The following RGS6 variants were observed in gnomAD, a reference collection of about 807,000 sequenced individuals.
RGS6 encodes the protein regulator of G protein signaling 6.
Under a neutral mutation model 78.5 loss-of-function variants are expected in RGS6, and 30 were observed. The observed-to-expected ratio is 0.38, with a 90% confidence interval of 0.29 to 0.52. The LOEUF (loss-of-function observed/expected upper bound fraction) is 0.52. Among genes scored for constraint, RGS6 ranks in the 20% least tolerant of loss-of-function variants. The pLI, the probability that RGS6 is intolerant of heterozygous loss-of-function variation, is 0.85. For synonymous variants in RGS6, 206 were observed against 206.0 expected (o/e 1.00, Z 0.00); for missense variants, 495 against 609.7 (o/e 0.81, Z 1.98).
At position 72,391,462 on chromosome 14, in the gene RGS6, G is replaced by A. The variant is rs1043612649; in HGVS notation, c.184+39268G>A. Among the ~76,000 whole-genome samples, 9 of 152,276 alleles carry A rather than the reference G, an allele frequency of 5.9e-5. No homozygotes were observed. In the South Asian group the frequency reaches 1.7e-3, roughly 28 times the overall value. On this transcript the variant is annotated intron_variant, in intron 3 of 17. Transcript: ENST00000553525. Reference sequence around the variant, plus strand: ...AGGTACCTGTGTGCCATTGGGGTGGGCTTTCCCCGCAGTGACAGATCCGGA... The same window carrying A: ...AGGTACCTGTGTGCCATTGGGGTGGACTTTCCCCGCAGTGACAGATCCGGA...
upstream of RGS6, among the ~76,000 whole-genome samples, chr14:71,931,525 GGTCATCCATC>G (rs139386713): frequency 4.6e-3 from 708 of 152,276 alleles, 1 homozygote; most frequent in Non-Finnish European, 8.0e-3. Context: ...GAGGAGTCCA[GGTCATCCATC>G]GTTAAAGGCA....
At chr14:72,307,719 A>C (rs1273733730) in intron 2 of RGS6, among the ~76,000 whole-genome samples, 1 of 152,132 alleles carries the variant, frequency 6.6e-6, no homozygotes, top group Non-Finnish European at 1.5e-5. Context: ...TTGTTTTCCA[A>C]ATGAACTTTA....
intron 2 of RGS6, among the ~76,000 whole-genome samples, chr14:71,998,623 A>C (rs957862143): frequency 2.0e-5 from 3 of 152,236 alleles, no homozygotes; most frequent in African/African-American, 7.2e-5. Flanking sequence ...AGTCAAATAG[A>C]AGCCAAAGCA....
At chr14:71,905,609 C>G in the RGS6 span, among the ~76,000 whole-genome samples, 1 of 152,144 alleles carries the variant, frequency 6.6e-6, no homozygotes, top group Admixed American at 6.5e-5. Flanking sequence ...TGTGCCTCAG[C>G]CTCCTGAGTA....
At chr14:72,441,706 G>A (rs1247741029) in intron 3 of RGS6, among the ~76,000 whole-genome samples, 3 of 152,254 alleles carry the variant, frequency 2.0e-5, no homozygotes, top group Non-Finnish European at 4.4e-5. Context: ...GGTGGCATCA[G>A]ACCAGAGGCC....
intron 2 of RGS6, among the ~76,000 whole-genome samples, chr14:72,148,903 A>G (rs888255136): frequency 3.3e-5 from 5 of 152,256 alleles, no homozygotes; most frequent in African/African-American, 9.6e-5. Flanking sequence ...AGAGCATTCC[A>G]GTTATCTAAC....
upstream of RGS6, among the ~76,000 whole-genome samples, chr14:71,930,557 TC>T (rs1332942406): frequency 2.1e-4 from 32 of 152,198 alleles, no homozygotes; most frequent in Admixed American, 5.2e-4. Context: ...ATATCTGATT[TC>T]ACATATTTTT....
At chr14:72,540,157 C>CA in intron 17 of RGS6, 63 bp downstream of exon 17, 2 of 1,296,080 alleles carry the variant, frequency 1.5e-6, no homozygotes, top group Non-Finnish European at 2.1e-6. Flanking sequence ...CTTTCTTCTT[C>CA]TTTTTTTTTT....
At chr14:72,221,230 C>T (rs1480257602) in intron 2 of RGS6, among the ~76,000 whole-genome samples, 2 of 152,160 alleles carry the variant, frequency 1.3e-5, no homozygotes, top group African/African-American at 4.8e-5. Flanking sequence ...CAAGATTTTG[C>T]AATTTATGTC....
intron 3 of RGS6, among the ~76,000 whole-genome samples, chr14:72,417,588 G>A (rs1442159008): frequency 2.0e-5 from 3 of 152,150 alleles, no homozygotes; most frequent in African/African-American, 7.2e-5. Context: ...AGTGTGACTC[G>A]GAGAACCGCA....
intron 1 of RGS6, among the ~76,000 whole-genome samples, chr14:71,944,407 C>T (rs1002808476): frequency 1.3e-5 from 2 of 152,170 alleles, no homozygotes; most frequent in Non-Finnish European, 2.9e-5. Context: ...TCTTTTCTGA[C>T]CCCAAAGTCC....
intron 1 of RGS6, among the ~76,000 whole-genome samples, chr14:71,957,550 G>A (rs2092881982): frequency 6.7e-6 from 1 of 148,352 alleles, no homozygotes; most frequent in Admixed American, 6.8e-5. Context: ...GAAAGGGTGG[G>A]ATGAGTCTGT....
At chr14:72,303,947 C>A (rs2066670362) in intron 2 of RGS6, among the ~76,000 whole-genome samples, 1 of 152,220 alleles carries the variant, frequency 6.6e-6, no homozygotes, top group Non-Finnish European at 1.5e-5. Flanking sequence ...GATATTCCCC[C>A]CAACCTTCCC....
chr14:72,107,207 T>C (rs577067753), intron 2 of RGS6, among the ~76,000 whole-genome samples: 1 of 152,116 alleles, frequency 6.6e-6, no homozygotes, highest in Non-Finnish European at 1.5e-5. Flanking sequence ...ATTGCTTCCC[T>C]GTCATGTTCA....
At chr14:72,009,676 C>T (rs1210510654) in intron 2 of RGS6, among the ~76,000 whole-genome samples, 2 of 152,148 alleles carry the variant, frequency 1.3e-5, no homozygotes, top group African/African-American at 2.4e-5. Context: ...GCTAGGAGCA[C>T]CTAGATCTTC....
At chr14:72,281,602 C>T (rs975821312) in intron 2 of RGS6, among the ~76,000 whole-genome samples, 2 of 152,004 alleles carry the variant, frequency 1.3e-5, no homozygotes, top group African/African-American at 4.8e-5. Flanking sequence ...GAGAAGATCT[C>T]TTTAGACTGG....
intron 2 of RGS6, among the ~76,000 whole-genome samples, chr14:72,005,512 T>C (rs1197355201): frequency 6.7e-6 from 1 of 148,870 alleles, no homozygotes; most frequent in Admixed American, 6.7e-5. Flanking sequence ...CAGCCTATAA[T>C]CCAATTAGTA....
At chr14:72,037,096 C>A in intron 2 of RGS6, among the ~76,000 whole-genome samples, 1 of 152,138 alleles carries the variant, frequency 6.6e-6, no homozygotes, top group East Asian at 1.9e-4. Flanking sequence ...ATTGTAAATG[C>A]ACTAATCAGC....
intron 2 of RGS6, among the ~76,000 whole-genome samples, chr14:71,995,370 C>T (rs1297194826): frequency 1.3e-5 from 2 of 152,242 alleles, no homozygotes; most frequent in East Asian, 3.8e-4. Flanking sequence ...TCCTGTTTGA[C>T]ATCGCATGCC....
Sources: gnomAD v4.1 joint callset for allele counts (sites outside exome capture counted in the v4.1 genomes callset) on GRCh38, gnomAD v4.1.1 for gene constraint, MANE v1.5 for transcripts, NCBI Gene and HGNC (gene_info 2026-07-23, HGNC 2026-07-21) for gene names.